Variants in LEPROT observed in about 807,000 individuals in gnomAD.
The protein encoded by LEPROT is leptin receptor overlapping transcript.
LEPROT carries 3 observed loss-of-function variants against 15.4 expected under a neutral mutation model. The ratio of observed to expected loss-of-function variants is 0.19; its 90% confidence interval spans 0.09 to 0.50. The LOEUF (loss-of-function observed/expected upper bound fraction) is 0.50, where lower values mean the gene tolerates loss of function less well. LEPROT is among the 20% of genes least tolerant of loss of function. The pLI is 0.97. For missense variants in LEPROT, 137 were observed against 162.2 expected (o/e 0.84, Z 0.84); for synonymous variants, 59 against 57.5 (o/e 1.03, Z -0.12).
In LEPROT at chr1:65,420,745, A is replaced by T; in HGVS notation, c.16+5A>T. 6.3e-7 allele frequency: 1 copy of T among 1,581,432 alleles called. No homozygotes were observed. On this transcript the variant is annotated splice_donor_5th_base_variant and intron_variant, in intron 1 of 3. Transcript: ENST00000371065. Reference sequence around the variant, plus strand: ...GAGACATGGCGGGCGTTAAAGGTACATCGCGGTCCCCGGCTCGCTTGTCGT... The same window carrying T: ...GAGACATGGCGGGCGTTAAAGGTACTTCGCGGTCCCCGGCTCGCTTGTCGT...
At chr1:65,427,352 T>C (rs1049236770) in intron 2 of LEPROT, among the ~76,000 whole-genome samples, 6 of 152,106 alleles carry the variant, frequency 3.9e-5, no homozygotes, top group Non-Finnish European at 8.8e-5. Flanking sequence ...GGTAGGAGGA[T>C]TGCTTGAAGC....
chr1:65,427,206 G>A (rs181134189), intron 2 of LEPROT, among the ~76,000 whole-genome samples: 2 of 152,246 alleles, frequency 1.3e-5, no homozygotes, highest in East Asian at 1.9e-4. Context: ...AATGTAATAC[G>A]GTATTATTAT....
chr1:65,428,192 T>C (rs546763246), intron 2 of LEPROT, among the ~76,000 whole-genome samples: 1 of 152,332 alleles, frequency 6.6e-6, no homozygotes, highest in East Asian at 1.9e-4. Context: ...ATTGTATATA[T>C]TTAATATTTA....
chr1:65,431,960 C>T lies in LEPROT; in HGVS notation c.*41C>T, dbSNP rs1024100528. On this transcript the variant is annotated 3_prime_UTR_variant, in exon 4 of 4. Coordinates refer to ENST00000371065, the MANE Select transcript of LEPROT (RefSeq NM_017526.5). ...ACAGTGCATTGAATTTCTTAGAACTCATACTATCTGTATACATGTGCACAT... is the reference window on the plus strand; with the variant it reads ...ACAGTGCATTGAATTTCTTAGAACTTATACTATCTGTATACATGTGCACAT... The T allele has an allele frequency of 3.7e-6, 6 of 1,600,828 alleles. No homozygotes were observed. In the African/African-American group the frequency reaches 8.1e-5, roughly 22 times the overall value.
chr1:65,423,663 CAT>C (rs139530250), intron 1 of LEPROT, among the ~76,000 whole-genome samples: 2,038 of 152,264 alleles, frequency 0.013, 52 homozygotes, highest in African/African-American at 0.047. Flanking sequence ...TGTCCCTTAA[CAT>C]GTGTATACTT....
At chr1:65,426,489 G>T (rs1570421740) in intron 2 of LEPROT, among the ~76,000 whole-genome samples, 1 of 152,080 alleles carries the variant, frequency 6.6e-6, no homozygotes, top group African/African-American at 2.4e-5. Flanking sequence ...AGACTAGATA[G>T]GAAAGAGCTG....
intron 1 of LEPROT, among the ~76,000 whole-genome samples, chr1:65,422,643 G>A (rs1203308545): frequency 3.3e-5 from 5 of 152,240 alleles, no homozygotes; most frequent in African/African-American, 1.2e-4. Flanking sequence ...GGCAAGGCAT[G>A]GAGTGAAGGT....
At chr1:65,422,887 A>G (rs74081643) in intron 1 of LEPROT, among the ~76,000 whole-genome samples, 5,511 of 152,242 alleles carry the variant, frequency 0.036, 348 homozygotes, top group African/African-American at 0.13. Context: ...GGTGATATAT[A>G]TAGTTGAAAG....
At position 65,433,251 on chromosome 1, in the gene LEPROT, T is replaced by C. The variant is rs1288852332; in HGVS notation, c.*1332T>C. ...TCTTCCCGAAGAGATATAGGAGCCA[T>C]GTAAGCACGCAGTGGGTGAACTGCT... On this transcript the variant is annotated 3_prime_UTR_variant, in exon 4 of 4. Transcript: ENST00000371065. 4.1e-6 allele frequency: 4 copies of C among 985,140 alleles called. No individual in the cohort carries two copies. Among genetic ancestry groups the C allele is most frequent in the East Asian group, 1.1e-4 (1 of 8,808 alleles). 61.0% of individuals were successfully genotyped at this position (985,140 alleles called of 1,614,324 possible). A position where few individuals can be genotyped will look rare whatever the true frequency, so the allele number is the denominator to read the frequency against.
Position 65,431,830 on chromosome 1 carries a change from T to C in LEPROT, c.307T>C (p.Leu103=), listed in dbSNP as rs1374589258. 1.2e-6 allele frequency: 2 copies of C among 1,613,962 alleles called. No homozygotes were observed. The highest frequency in any genetic ancestry group is 2.2e-5 in the South Asian group (2 of 91,040). ...VIKWGACGLV[L]AGNAVIFLTI... is the part of the protein sequence containing the mutation. Reference sequence around the variant, plus strand: ...CAAATGGGGAGCCTGCGGCCTTGTGTTGGCAGGCAATGCAGTCATTTTCCT... The same window carrying C: ...CAAATGGGGAGCCTGCGGCCTTGTGCTGGCAGGCAATGCAGTCATTTTCCT... The change falls in exon 4 of 4, where the codon TTG becomes CTG. Residue 103 remains leucine, a synonymous_variant. Coordinates refer to ENST00000371065, the MANE Select transcript of LEPROT (RefSeq NM_017526.5).
chr1:65,425,259 A>G (rs766620727), intron 1 of LEPROT, 44 bp from the exon 2 acceptor site: 27 of 1,562,152 alleles, frequency 1.7e-5, no homozygotes, highest in South Asian at 9.0e-5. Flanking sequence ...GTGCCTGACA[A>G]CCTCTACTGT....
chr1:65,425,195 C>T (rs1162307554), intron 1 of LEPROT, 108 bp from the exon 2 acceptor site: 1 of 869,618 alleles, frequency 1.1e-6, no homozygotes, highest in Non-Finnish European at 1.9e-6. Context: ...TACTCATCCG[C>T]CAAAGAAACT....
At chr1:65,430,753 G>C (rs1352190409) in intron 3 of LEPROT, among the ~76,000 whole-genome samples, 1 of 151,616 alleles carries the variant, frequency 6.6e-6, no homozygotes, top group African/African-American at 2.4e-5. Flanking sequence ...TAAGAAATAG[G>C]TACTGTCTCT....
At chr1:65,421,415 C>T in intron 1 of LEPROT, 1 of 1,536,040 alleles carries the variant, frequency 6.5e-7, no homozygotes, top group Non-Finnish European at 8.7e-7. Context: ...GGCTTCAGAG[C>T]AATGCGAGAC....
At chr1:65,423,264 T>G (rs1646288383) in intron 1 of LEPROT, among the ~76,000 whole-genome samples, 2 of 152,018 alleles carry the variant, frequency 1.3e-5, no homozygotes, top group Non-Finnish European at 2.9e-5. Flanking sequence ...AGCTTTGGGT[T>G]GAACATAAGT....
chr1:65,426,244 T>C (rs922168597), intron 2 of LEPROT, among the ~76,000 whole-genome samples: 4 of 134,122 alleles, frequency 3.0e-5, no homozygotes, highest in Admixed American at 2.8e-4. Flanking sequence ...GACATGAAAG[T>C]GTATATAGCC....
chr1:65,431,727 G>C, intron 3 of LEPROT, 76 bp from the exon 4 acceptor site: 1 of 1,448,962 alleles, frequency 6.9e-7, no homozygotes, highest in Non-Finnish European at 9.4e-7. Context: ...TGTTTCTAAT[G>C]CAGAAAATAA....
In LEPROT at chr1:65,433,256, G is replaced by C; in HGVS notation, c.*1337G>C. 1.0e-6 allele frequency: 1 copy of C among 985,322 alleles called. No individual in the cohort carries two copies. Among genetic ancestry groups the C allele is most frequent in the Non-Finnish European group, 1.2e-6 (1 of 829,934 alleles). 61.0% of individuals were successfully genotyped at this position (985,322 alleles called of 1,614,324 possible). On this transcript the variant is annotated 3_prime_UTR_variant, in exon 4 of 4. Transcript: ENST00000371065. The stretch of plus-strand genomic sequence containing the variant: ...CCGAAGAGATATAGGAGCCATGTAA[G>C]CACGCAGTGGGTGAACTGCTTAATT...
chr1:65,427,782 A>C (rs1250561507), intron 2 of LEPROT: 2 of 411,508 alleles, frequency 4.9e-6, no homozygotes, highest in African/African-American at 4.2e-5. Context: ...TGTTTTTTAG[A>C]GATGCCACAA....
Sources: gnomAD v4.1 joint callset for allele counts (sites outside exome capture counted in the v4.1 genomes callset) on GRCh38, gnomAD v4.1.1 for gene constraint, MANE v1.5 for transcripts, NCBI Gene and HGNC (gene_info 2026-07-23, HGNC 2026-07-21) for gene names.